The following CDIN1 variants were observed in gnomAD, a reference collection of about 807,000 sequenced individuals.
The protein encoded by CDIN1 is CDAN1-interacting nuclease 1.
Under a neutral mutation model 45.3 loss-of-function variants are expected in CDIN1, and 33 were observed. The ratio of observed to expected loss-of-function variants is 0.73; its 90% CI spans 0.55 to 0.97. CDIN1 has a LOEUF of 0.97. Ranked by LOEUF, CDIN1 falls within the 50% of genes least tolerant of loss-of-function variation. CDIN1 has a pLI of 0.00. For synonymous variants in CDIN1, 118 were observed against 124.4 expected, an observed-to-expected ratio of 0.95 and a Z score of 0.34; for missense variants, 303 against 339.4, an observed-to-expected ratio of 0.89 and a Z score of 0.84.
chr15:36,587,605 T>A (rs547705989), intron 1 of CDIN1, among the ~76,000 whole-genome samples: 2 of 152,272 alleles, frequency 1.3e-5, no homozygotes, highest in South Asian at 4.2e-4. Context: ...GTGCTGCCAT[T>A]GGTTATGGTT....
At chr15:36,584,842 T>C (rs141265740) in intron 1 of CDIN1, among the ~76,000 whole-genome samples, 3,732 of 152,344 alleles carry the variant, frequency 0.024, 50 homozygotes, top group South Asian at 0.046. Context: ...ACACAGACAG[T>C]GGCCCCAGCC....
intron 10 of CDIN1, among the ~76,000 whole-genome samples, chr15:36,763,552 A>G (rs1030768530): frequency 6.6e-6 from 1 of 152,044 alleles, no homozygotes; most frequent in Non-Finnish European, 1.5e-5. Context: ...ATAAATCCCC[A>G]CTTCTCTGCC....
At chr15:36,725,003 A>G (rs113527955) in intron 10 of CDIN1, among the ~76,000 whole-genome samples, 1,574 of 152,276 alleles carry the variant, frequency 0.01, 25 homozygotes, top group African/African-American at 0.036. Flanking sequence ...AAAACCATTC[A>G]TGCATACCCC....
chr15:36,748,515 T>C (rs906582746), intron 10 of CDIN1, among the ~76,000 whole-genome samples: 2 of 152,048 alleles, frequency 1.3e-5, no homozygotes, highest in African/African-American at 4.8e-5. Flanking sequence ...CATTTTCCTT[T>C]TTTTTTTTCC....
chr15:36,739,599 A>G (rs2044160535), intron 10 of CDIN1, among the ~76,000 whole-genome samples: 1 of 152,190 alleles, frequency 6.6e-6, no homozygotes, highest in Admixed American at 6.5e-5. Context: ...GTTACAATAT[A>G]CTTATAAAGC....
rs2042972978 is a variant in CDIN1 at position 36,709,286 on chromosome 15, T to C, written c.608T>C (p.Val203Ala). Reference sequence around the variant, plus strand: ...CCAGACTTCATTTTACAAGTACCAGTTGGTAAGTTCTTTAACTCTGTTATG... The same window carrying C: ...CCAGACTTCATTTTACAAGTACCAGCTGGTAAGTTCTTTAACTCTGTTATG... ...KTPDFILQVP[V>A]AVEGHIIHWI... Residue 203 changes from valine to alanine, a missense_variant and splice_region_variant, in exon 9 of 11, where the codon GTT (valine) becomes GCT (alanine). Coordinates refer to ENST00000566621, the MANE Select transcript of CDIN1 (RefSeq NM_001321759.2). The C allele has an allele frequency of 6.2e-7, 1 of 1,600,466 alleles. No homozygotes were observed. The highest frequency in any genetic ancestry group is 1.7e-5 in the Admixed American group (1 of 58,880).
At chr15:36,674,331 A>T (rs889629314) in intron 5 of CDIN1, among the ~76,000 whole-genome samples, 1 of 152,148 alleles carries the variant, frequency 6.6e-6, no homozygotes, top group African/African-American at 2.4e-5. Context: ...TGAAACACAC[A>T]AAGTCATTGT....
chr15:36,631,988 G>A (rs745458054), intron 1 of CDIN1, among the ~76,000 whole-genome samples: 2 of 151,892 alleles, frequency 1.3e-5, no homozygotes, highest in Non-Finnish European at 2.9e-5. Context: ...GCACCACCAC[G>A]CCCAGCTAGC....
intron 10 of CDIN1, chr15:36,790,288 T>C (rs1185441915): frequency 6.6e-6 from 1 of 152,264 alleles, no homozygotes; most frequent in African/African-American, 2.4e-5. Flanking sequence ...CTCTAAACTC[T>C]AAATGCACCT....
Position 36,673,515 on chromosome 15 carries a change from A to G in CDIN1, c.346+15610A>G, listed in dbSNP as rs184433431. Among the ~76,000 whole-genome samples, 226 of 152,178 alleles carry G rather than the reference A, an allele frequency of 1.5e-3. 3 individuals carry two copies. The highest frequency in any genetic ancestry group is 6.2e-3 in the Admixed American group (95 of 15,266). ...TGTTTATTGCATTCCTCCTGCAACA[A>G]ATGTTGCCTTCTAATGAGATTTCTT... On this transcript the variant is annotated intron_variant, in intron 5 of 10. Coordinates refer to ENST00000566621, the MANE Select transcript of CDIN1 (RefSeq NM_001321759.2).
chr15:36,627,561 C>T (rs574683747), intron 1 of CDIN1: 1 of 153,236 alleles, frequency 6.5e-6, no homozygotes, highest in South Asian at 2.0e-4. Flanking sequence ...CGGTGCACCT[C>T]AAGGTGGGCA....
At chr15:36,619,501 A>G (rs1000883150) in intron 1 of CDIN1, among the ~76,000 whole-genome samples, 21 of 151,800 alleles carry the variant, frequency 1.4e-4, no homozygotes, top group African/African-American at 3.6e-4. Flanking sequence ...CTATCTATCT[A>G]TCTATCTATC....
intron 10 of CDIN1, among the ~76,000 whole-genome samples, chr15:36,775,515 A>G (rs2054196820): frequency 6.6e-6 from 1 of 152,214 alleles, no homozygotes; most frequent in African/African-American, 2.4e-5. Flanking sequence ...AGCAGTGCCT[A>G]TGACAGGCCC....
chr15:36,691,942 A>G (rs915900552), intron 6 of CDIN1, among the ~76,000 whole-genome samples, 178 bp downstream of exon 6: 4 of 148,390 alleles, frequency 2.7e-5, no homozygotes, highest in African/African-American at 4.9e-5. Flanking sequence ...GCTTGCTTTT[A>G]TAGTGAATAA....
At chr15:36,618,262 G>C (rs187809776) in intron 1 of CDIN1, 9 of 665,364 alleles carry the variant, frequency 1.4e-5, no homozygotes, top group Middle Eastern at 2.6e-4. Flanking sequence ...AGAGGACTCT[G>C]TATCATTGGG....
chr15:36,665,877 T>G (rs2041229592), intron 5 of CDIN1, among the ~76,000 whole-genome samples: 1 of 152,210 alleles, frequency 6.6e-6, no homozygotes, highest in African/African-American at 2.4e-5. Context: ...AAAACATACT[T>G]TCATTTACAT....
intron 1 of CDIN1, among the ~76,000 whole-genome samples, chr15:36,604,418 T>TACACAGACACACACACACACACACAC (rs1555382540): frequency 5.4e-5 from 7 of 128,860 alleles, no homozygotes; most frequent in African/African-American, 2.1e-4. Flanking sequence ...TTTTAAAAGG[T>TACACAGACACACACACACACACACAC]ACACACACAC....
chr15:36,687,344 T>G (rs1464376406), intron 5 of CDIN1, among the ~76,000 whole-genome samples: 1 of 151,972 alleles, frequency 6.6e-6, no homozygotes, highest in Non-Finnish European at 1.5e-5. Context: ...ACAATAAAGT[T>G]CAAAGTAAAG....
rs374061887 is a variant in CDIN1, at chr15:36,716,945, T to C, written c.716+6984T>C. Among the ~76,000 whole-genome samples the C allele has an allele frequency of 9.9e-5, 15 of 152,270 alleles. No homozygotes were observed. The East Asian group carries it at 2.3e-3, about 24-fold the overall frequency. Reference sequence around the variant, plus strand: ...CAGCACCTGAACCCAAGTCTCTTTGTGAACTCCACACCTATGCTCTTTCTA... The same window carrying C: ...CAGCACCTGAACCCAAGTCTCTTTGCGAACTCCACACCTATGCTCTTTCTA... On this transcript the variant is annotated intron_variant, in intron 10 of 10. Coordinates refer to ENST00000566621, the MANE Select transcript of CDIN1 (RefSeq NM_001321759.2).
Sources: allele counts gnomAD v4.1 joint callset (sites outside exome capture counted in the v4.1 genomes callset), GRCh38; gene constraint gnomAD v4.1.1; transcripts MANE v1.5; gene names NCBI Gene and HGNC (gene_info 2026-07-23, HGNC 2026-07-21).